FBXL17: variants seen among roughly 807,000 people sequenced by gnomAD.
The protein encoded by FBXL17 is F-box/LRR-repeat protein 17.
In FBXL17, 22 loss-of-function variants were observed where a neutral mutation model predicts 66.2. The observed-to-expected ratio is 0.33, with a 90% CI of 0.24 to 0.47. The LOEUF is 0.47. Ranked by LOEUF, FBXL17 falls within the 20% of genes least tolerant of loss-of-function variation. FBXL17 has a pLI of 1.00. For missense variants in FBXL17, 878 were observed against 948.2 expected (o/e 0.93, Z 0.97); for synonymous variants, 474 against 400.5 (o/e 1.18, Z -2.19).
chr5:108,296,589 T>C (rs568544586), intron 4 of FBXL17, among the ~76,000 whole-genome samples: 8 of 151,944 alleles, frequency 5.3e-5, no homozygotes, highest in African/African-American at 1.4e-4. Flanking sequence ...GATGCAGCTG[T>C]AGCCTCACTT....
At chr5:107,907,219 C>T (rs188288983) in intron 7 of FBXL17, among the ~76,000 whole-genome samples, 37 of 152,178 alleles carry the variant, frequency 2.4e-4, no homozygotes, top group Non-Finnish European at 4.6e-4. Context: ...TACAGTGTAA[C>T]GAATAAGGAG....
At chr5:108,128,933 T>A (rs1398029042) in intron 6 of FBXL17, among the ~76,000 whole-genome samples, 1 of 152,152 alleles carries the variant, frequency 6.6e-6, no homozygotes, top group African/African-American at 2.4e-5. Context: ...TTACTACATT[T>A]ATGTTCATGG....
intron 4 of FBXL17, among the ~76,000 whole-genome samples, chr5:108,261,370 A>G (rs1016684379): frequency 6.6e-5 from 10 of 152,272 alleles, no homozygotes; most frequent in African/African-American, 2.4e-4. Context: ...TTAATAGGAC[A>G]AATAAACCCA....
At chr5:108,017,528 A>AT (rs1311401703) in intron 7 of FBXL17, among the ~76,000 whole-genome samples, 1 of 152,170 alleles carries the variant, frequency 6.6e-6, no homozygotes. Flanking sequence ...TTTTATATTG[A>AT]TTTTCACTAA....
chr5:107,960,229 CTT>C (rs1223954753), intron 7 of FBXL17, among the ~76,000 whole-genome samples: 2 of 152,186 alleles, frequency 1.3e-5, no homozygotes, highest in East Asian at 3.9e-4. Context: ...TTCATCTACT[CTT>C]TCTCTTTTTT....
At chr5:107,999,427 CTT>C (rs544384063) in intron 7 of FBXL17, among the ~76,000 whole-genome samples, 1 of 139,106 alleles carries the variant, frequency 7.2e-6, no homozygotes. Context: ...TTGAAATTTA[CTT>C]TTTTTTTTTT....
chr5:108,309,443 T>A (rs1380255976), intron 4 of FBXL17, among the ~76,000 whole-genome samples: 2 of 151,994 alleles, frequency 1.3e-5, no homozygotes, highest in Non-Finnish European at 2.9e-5. Context: ...AAAAAAAGGC[T>A]ATTTTCATCT....
chr5:108,150,931 C>T (rs1444214968), intron 6 of FBXL17, among the ~76,000 whole-genome samples: 1 of 152,188 alleles, frequency 6.6e-6, no homozygotes, highest in Non-Finnish European at 1.5e-5. Flanking sequence ...TTTTCCACAG[C>T]TTTCCACACG....
At chr5:108,193,875 C>T (rs1371922376) in intron 5 of FBXL17, among the ~76,000 whole-genome samples, 1 of 152,070 alleles carries the variant, frequency 6.6e-6, no homozygotes, top group African/African-American at 2.4e-5. Flanking sequence ...ATTTTCAAAT[C>T]CAAGGTGTGG....
chr5:108,108,855 C>A (rs1156253504), intron 6 of FBXL17, among the ~76,000 whole-genome samples: 2 of 146,090 alleles, frequency 1.4e-5, no homozygotes, highest in African/African-American at 5.1e-5. Context: ...GTGATCTCGG[C>A]TCACTGCAAC....
At chr5:108,336,153 G>T (rs892224361) in intron 4 of FBXL17, among the ~76,000 whole-genome samples, 6 of 152,046 alleles carry the variant, frequency 3.9e-5, no homozygotes, top group African/African-American at 1.4e-4. Context: ...AAGAATTTAT[G>T]AAACTAGAAA....
intron 6 of FBXL17, among the ~76,000 whole-genome samples, chr5:108,104,179 T>A (rs115733660): frequency 0.033 from 4,985 of 152,030 alleles, 118 homozygotes; most frequent in Non-Finnish European, 0.05. Flanking sequence ...GGGATTACAG[T>A]CATGCGCACC....
intron 6 of FBXL17, among the ~76,000 whole-genome samples, chr5:108,138,302 C>T (rs1275781302): frequency 1.1e-4 from 16 of 152,156 alleles, no homozygotes. Flanking sequence ...ACACATCTGG[C>T]CAATTTTTCA....
At position 107,980,663 on chromosome 5, in the gene FBXL17, TA is replaced by T. The variant is rs1263951344; in HGVS notation, c.1822+40261del. On this transcript the variant is annotated intron_variant, in intron 7 of 8. Transcript: ENST00000542267. ...ATAAAATAATATATATATATATATATATTTTTTTTTTGAGATGGAGTCTTGC... is the reference window on the plus strand; with the variant it reads ...ATAAAATAATATATATATATATATATTTTTTTTTTTGAGATGGAGTCTTGC... 2.2e-4 allele frequency among the ~76,000 whole-genome samples: 20 copies of T among 92,048 alleles called. 3 individuals carry two copies. Among genetic ancestry groups the T allele is most frequent in the Admixed American group, 2.0e-3 (18 of 9,134 alleles). 60.4% of individuals were successfully genotyped at this position (92,048 alleles called of 152,430 possible).
chr5:108,258,237 A>C (rs1259196898), intron 4 of FBXL17, among the ~76,000 whole-genome samples: 1 of 152,180 alleles, frequency 6.6e-6, no homozygotes, highest in Non-Finnish European at 1.5e-5. Context: ...ATAGCAAGAA[A>C]GCAGTCATCT....
rs181849742 is a variant in FBXL17, at chr5:107,972,972, C to G, written c.1822+47953G>C. On this transcript the variant is annotated intron_variant, in intron 7 of 8. Coordinates refer to ENST00000542267, the MANE Select transcript of FBXL17 (RefSeq NM_001163315.3). ...AATAGCCAACAACCTCTCACCCCAT[C>G]TCCATCCCTGTTAGTCCTCATGCGC... Among the ~76,000 whole-genome samples, 225 of 152,340 alleles carry G rather than the reference C, an allele frequency of 1.5e-3. 1 individual carries two copies. The highest frequency in any genetic ancestry group is 4.9e-3 in the African/African-American group (202 of 41,588).
chr5:107,969,777 C>A (rs977672231), intron 7 of FBXL17, among the ~76,000 whole-genome samples: 29 of 152,096 alleles, frequency 1.9e-4, no homozygotes, highest in African/African-American at 7.0e-4. Context: ...TACTAGAGAA[C>A]CTAATTTCCA....
At chr5:108,359,327 T>A (rs528351992) in intron 3 of FBXL17, among the ~76,000 whole-genome samples, 1 of 152,264 alleles carries the variant, frequency 6.6e-6, no homozygotes, top group African/African-American at 2.4e-5. Context: ...GGTCTGGTTA[T>A]TATTTCCTTC....
At chr5:108,330,774 A>T (rs546208746) in intron 4 of FBXL17, among the ~76,000 whole-genome samples, 4 of 152,260 alleles carry the variant, frequency 2.6e-5, no homozygotes, top group Admixed American at 6.5e-5. Context: ...ACATCATTGC[A>T]CGTGCACACA....
Sources: gnomAD v4.1 joint callset for allele counts (sites outside exome capture counted in the v4.1 genomes callset) on GRCh38, gnomAD v4.1.1 for gene constraint, MANE v1.5 for transcripts, NCBI Gene and HGNC (gene_info 2026-07-23, HGNC 2026-07-21) for gene names.